MALRD1: variants seen among roughly 807,000 people sequenced by gnomAD.
The protein encoded by MALRD1 is MAM and LDL receptor class A domain containing 1.
In MALRD1, 247 loss-of-function variants were observed where a neutral mutation model predicts 242.1. The observed-to-expected ratio is 1.02, with a 90% confidence interval of 0.92 to 1.13. The LOEUF is 1.13. Ranked by LOEUF, MALRD1 falls within the 50% of genes most tolerant of loss-of-function variation. The pLI is 0.00. For synonymous variants in MALRD1, 995 were observed against 866.6 expected (o/e 1.15, Z -2.60); for missense variants, 2,989 against 2,533.1 (o/e 1.18, Z -3.86).
chr10:19,173,226 T>C (rs897143135), intron 13 of MALRD1, among the ~76,000 whole-genome samples: 1 of 152,130 alleles, frequency 6.6e-6, no homozygotes, highest in African/African-American at 2.4e-5. Flanking sequence ...AGTAATATTA[T>C]ACTATAATAT....
intron 29 of MALRD1, among the ~76,000 whole-genome samples, chr10:19,470,026 C>T (rs1765296016): frequency 6.6e-6 from 1 of 151,964 alleles, no homozygotes; most frequent in Non-Finnish European, 1.5e-5. Flanking sequence ...TATCTGGAGG[C>T]ACTATACAAT....
chr10:19,182,571 C>A lies in MALRD1; in HGVS notation c.1951+7243C>A, dbSNP rs1007941399. Among the ~76,000 whole-genome samples, 109 of 151,970 alleles carry A rather than the reference C, an allele frequency of 7.2e-4. 1 individual carries two copies. The highest frequency in any genetic ancestry group is 8.2e-4 in the Non-Finnish European group (56 of 67,996). On this transcript the variant is annotated intron_variant, in intron 14 of 39. Transcript: ENST00000454679. ...GGTCTCGATCTCCTGACCTCGTAAT[C>A]CGTCCGCCTCAGCCTCCCAAAGTGC... is the stretch of plus-strand genomic sequence containing the variant.
Position 19,534,713 on chromosome 10 carries a change from T to C in MALRD1, c.5478+3362T>C, listed in dbSNP as rs570640659. On this transcript the variant is annotated intron_variant, in intron 32 of 39. Transcript: ENST00000454679. ...TGGTGTGGATGTAAAGAAACAGATA[T>C]TCATTGCTAGCTGGACTATCAGTTT... 3.5e-4 allele frequency among the ~76,000 whole-genome samples: 53 copies of C among 152,184 alleles called. 1 individual carries two copies. The highest frequency in any genetic ancestry group is 6.8e-4 in the Non-Finnish European group (46 of 68,030).
chr10:19,613,734 C>T (rs1839006449), intron 35 of MALRD1, among the ~76,000 whole-genome samples: 1 of 152,086 alleles, frequency 6.6e-6, no homozygotes, highest in South Asian at 2.1e-4. Context: ...CGATGTAACC[C>T]AGAAGCTGTG....
At chr10:19,676,934 G>C (rs1269423016) in intron 36 of MALRD1, among the ~76,000 whole-genome samples, 2 of 152,108 alleles carry the variant, frequency 1.3e-5, no homozygotes, top group African/African-American at 4.8e-5. Flanking sequence ...TTCTGTTCTT[G>C]AGTTAGTTTG....
chr10:19,686,880 C>T (rs768709078), intron 36 of MALRD1, among the ~76,000 whole-genome samples: 13 of 151,850 alleles, frequency 8.6e-5, no homozygotes, highest in Non-Finnish European at 1.3e-4. Context: ...GCTGAAATGC[C>T]GCAGTGTTAC....
chr10:19,130,014 A>G (rs1833033819), intron 8 of MALRD1, among the ~76,000 whole-genome samples: 1 of 151,824 alleles, frequency 6.6e-6, no homozygotes, highest in Non-Finnish European at 1.5e-5. Context: ...ACATATGTAT[A>G]TAAATTCTTT....
chr10:19,534,807 T>C (rs7085358), intron 32 of MALRD1, among the ~76,000 whole-genome samples: 122,599 of 151,938 alleles, frequency 0.81, 49,748 homozygotes, highest in Non-Finnish European at 0.85. Context: ...AAATATTTTA[T>C]ATCTAGAAAT....
At chr10:19,403,759 T>A (rs1235219970) in intron 28 of MALRD1, among the ~76,000 whole-genome samples, 1 of 152,156 alleles carries the variant, frequency 6.6e-6, no homozygotes, top group African/African-American at 2.4e-5. Context: ...AAGTTAGAGC[T>A]GCATATGGCT....
rs568310251 is a variant in MALRD1, at chr10:19,496,103, C to T, written c.5159-2382C>T. Among the ~76,000 whole-genome samples the T allele has an allele frequency of 1.7e-3, 252 of 152,254 alleles. 1 individual carries two copies. Among genetic ancestry groups the T allele is most frequent in the African/African-American group, 5.8e-3 (243 of 41,562 alleles). Reference sequence around the variant, plus strand: ...CTAGAGACCTATGAAGAGACTTAGACTCCCAAACAATAATAGTGGAAGACT... The same window carrying T: ...CTAGAGACCTATGAAGAGACTTAGATTCCCAAACAATAATAGTGGAAGACT... On this transcript the variant is annotated intron_variant, in intron 30 of 39. Coordinates refer to ENST00000454679, the MANE Select transcript of MALRD1 (RefSeq NM_001142308.3).
At chr10:19,190,953 T>C (rs977134047) in intron 14 of MALRD1, among the ~76,000 whole-genome samples, 5 of 152,052 alleles carry the variant, frequency 3.3e-5, no homozygotes, top group African/African-American at 4.8e-5. Context: ...AATAGACAAA[T>C]TGGACTTTAT....
At chr10:19,419,867 A>G (rs762343554) in intron 28 of MALRD1, among the ~76,000 whole-genome samples, 1 of 152,330 alleles carries the variant, frequency 6.6e-6, no homozygotes, top group African/African-American at 2.4e-5. Flanking sequence ...GAATGGATCA[A>G]TAAACTAAAT....
chr10:19,312,398 ATATGTG>A (rs1441364910), intron 21 of MALRD1, among the ~76,000 whole-genome samples: 1 of 145,134 alleles, frequency 6.9e-6, no homozygotes, highest in Non-Finnish European at 1.5e-5. Flanking sequence ...ATATATATAT[ATATGTG>A]TATATGTGTG....
intron 31 of MALRD1, among the ~76,000 whole-genome samples, chr10:19,527,775 G>T (rs1834170649): frequency 6.6e-6 from 1 of 152,128 alleles, no homozygotes; most frequent in Admixed American, 6.5e-5. Context: ...TACATGAAAA[G>T]TTATTATAGC....
At chr10:19,180,284 C>A (rs899691827) in intron 14 of MALRD1, among the ~76,000 whole-genome samples, 8 of 152,156 alleles carry the variant, frequency 5.3e-5, no homozygotes, top group African/African-American at 1.9e-4. Flanking sequence ...AATACATTGG[C>A]AAGCAGCCAT....
chr10:19,265,247 T>C (rs1428857215), intron 19 of MALRD1, among the ~76,000 whole-genome samples: 2 of 152,164 alleles, frequency 1.3e-5, no homozygotes, highest in African/African-American at 4.8e-5. Flanking sequence ...ATTAGTTCCT[T>C]CTTTCTATTA....
chr10:19,715,385 GTATA>G (rs1834336798), intron 38 of MALRD1, among the ~76,000 whole-genome samples: 1 of 150,268 alleles, frequency 6.7e-6, no homozygotes, highest in Non-Finnish European at 1.5e-5. Flanking sequence ...TATATTTAAA[GTATA>G]TATATAATAT....
In MALRD1 at chr10:19,104,060, T is replaced by G; in HGVS notation, c.679T>G (p.Cys227Gly). 2 of 1,232,610 alleles carry G rather than the reference T, an allele frequency of 1.6e-6. No individual in the cohort carries two copies. The highest frequency in any genetic ancestry group is 1.5e-5 in the African/African-American group (1 of 64,606). The allele number at this position is 1,232,610 out of a possible 1,614,324, so 76.4% of individuals were successfully genotyped here. ...AIDDISFSSG[C>G]LPANDGILLC... is the part of the protein sequence containing the mutation. The stretch of plus-strand genomic sequence containing the variant: ...TGATGATATATCTTTCAGTTCAGGC[T>G]GCTTGCCTGCCAATGGTAAGAACTT... The change falls in exon 5 of 40, where the codon TGC (cysteine) becomes GGC (glycine). Residue 227 changes from cysteine (C) to glycine (G), a missense_variant. Transcript: ENST00000454679.
chr10:19,390,077 G>C (rs1454311788), intron 28 of MALRD1, among the ~76,000 whole-genome samples: 1 of 152,166 alleles, frequency 6.6e-6, no homozygotes, highest in African/African-American at 2.4e-5. Context: ...GGTAAGCTGA[G>C]ACATGAGAAC....
Sources: allele counts gnomAD v4.1 joint callset (sites outside exome capture counted in the v4.1 genomes callset), GRCh38; gene constraint gnomAD v4.1.1; transcripts MANE v1.5; gene names NCBI Gene and HGNC (gene_info 2026-07-23, HGNC 2026-07-21).